FGD6: variants seen among roughly 807,000 people sequenced by gnomAD.
The protein encoded by FGD6 is FYVE, RhoGEF and PH domain-containing protein 6.
Under a neutral mutation model 149.4 loss-of-function variants are expected in FGD6, and 90 were observed. The ratio of observed to expected loss-of-function variants is 0.60; its 90% confidence interval spans 0.51 to 0.72. The LOEUF (loss-of-function observed/expected upper bound fraction) is 0.72, where lower values mean the gene tolerates loss of function less well. Among genes scored for constraint, FGD6 ranks in the 30% least tolerant of loss-of-function variants. The pLI is 0.00. For missense variants in FGD6, 1,437 were observed against 1,684.8 expected (o/e 0.85, Z 2.57); for synonymous variants, 527 against 584.0 (o/e 0.90, Z 1.41).
chr12:95,195,937 C>G (rs560842553), intron 2 of FGD6, among the ~76,000 whole-genome samples: 1 of 151,752 alleles, frequency 6.6e-6, no homozygotes, highest in East Asian at 2.0e-4. Context: ...TGTGGCCAAA[C>G]ATGGCCAAAC....
intron 3 of FGD6, among the ~76,000 whole-genome samples, chr12:95,158,809 CCCAGGAGTTTGAGA>C (rs1348630410): frequency 6.6e-6 from 1 of 151,682 alleles, no homozygotes; most frequent in Non-Finnish European, 1.5e-5. Flanking sequence ...ATTGCTTGAG[CCCAGGAGTTTGAGA>C]CCAGTCTGGG....
intron 2 of FGD6, among the ~76,000 whole-genome samples, chr12:95,195,045 AATTT>A (rs1415682568): frequency 6.6e-6 from 1 of 152,184 alleles, no homozygotes; most frequent in African/African-American, 2.4e-5. Context: ...AATCGGAGGT[AATTT>A]ATTTGTTTCC....
chr12:95,198,021 C>G (rs558290042), intron 2 of FGD6, among the ~76,000 whole-genome samples: 1 of 152,326 alleles, frequency 6.6e-6, no homozygotes, highest in Non-Finnish European at 1.5e-5. Flanking sequence ...ATTTCTATTC[C>G]TATCACTGCA....
chr12:95,148,878 TTA>T (rs1230194370), intron 5 of FGD6, among the ~76,000 whole-genome samples: 6 of 50,186 alleles, frequency 1.2e-4, no homozygotes, highest in South Asian at 7.0e-4. Flanking sequence ...ATAGCATATA[TTA>T]TATATATTAT....
intron 3 of FGD6, 80 bp downstream of exon 3, chr12:95,172,520 G>A (rs1380479797): frequency 4.8e-6 from 6 of 1,253,086 alleles, no homozygotes; most frequent in Non-Finnish European, 2.1e-6. Flanking sequence ...ACTCACAAGG[G>A]TTTCTGTGCC....
chr12:95,081,326 TAATA>T lies in FGD6; in HGVS notation c.*190_*193del. 1 of 418,174 alleles carries T rather than the reference TAATA, an allele frequency of 2.4e-6. No homozygotes were observed. Among genetic ancestry groups the T allele is most frequent in the Non-Finnish European group, 4.3e-6 (1 of 233,582 alleles). The allele number at this position is 418,174 out of a possible 1,614,324, so 25.9% of individuals were successfully genotyped here. A position where few individuals can be genotyped will look rare whatever the true frequency, so the allele number is the denominator to read the frequency against. On this transcript the variant is annotated 3_prime_UTR_variant, in exon 21 of 21. Transcript: ENST00000343958. ...GACCATTAAGTAAACATCAAAATTT[TAATA>T]AATAACATAAATGAAAAAACAAACA... is the stretch of plus-strand genomic sequence containing the variant.
Position 95,137,686 on chromosome 12 carries a change from T to C in FGD6, c.2838-8A>G. The C allele has an allele frequency of 1.3e-6, 2 of 1,556,538 alleles. No individual in the cohort carries two copies. The highest frequency in any genetic ancestry group is 1.7e-6 in the Non-Finnish European group (2 of 1,152,674). On this transcript the variant is annotated splice_region_variant and splice_polypyrimidine_tract_variant and intron_variant, in intron 6 of 20. Transcript: ENST00000343958. ...ATTCTTTGTTGTTCAGTCCTATGGA[T>C]AGAGAAGAGATACACAAAAAAATAT...
rs781475817 is a variant in FGD6, at chr12:95,212,811, A to T, written c.17-1544T>A. Among the ~76,000 whole-genome samples, 80 of 151,974 alleles carry T rather than the reference A, an allele frequency of 5.3e-4. 1 individual carries two copies. The highest frequency in any genetic ancestry group is 3.5e-3 in the Middle Eastern group (1 of 286). On this transcript the variant is annotated intron_variant, in intron 1 of 20. Transcript: ENST00000343958. ...CTATTACACGGAACTGAGTTTTTTTAAAAAAAAGAGGAGTAGGGTGCTCTA... is the reference window on the plus strand; with the variant it reads ...CTATTACACGGAACTGAGTTTTTTTTAAAAAAAGAGGAGTAGGGTGCTCTA...
At chr12:95,141,689 C>CT in intron 5 of FGD6, 150 bp from the exon 6 acceptor site, 1 of 785,080 alleles carries the variant, frequency 1.3e-6, no homozygotes, top group African/African-American at 1.7e-5. Context: ...CCCCTTCCTC[C>CT]TACCCCACTC....
intron 2 of FGD6, among the ~76,000 whole-genome samples, chr12:95,207,876 G>A (rs1343165527): frequency 6.6e-6 from 1 of 151,480 alleles, no homozygotes; most frequent in African/African-American, 2.4e-5. Flanking sequence ...CAAAGACTGA[G>A]GGGGTGGATT....
intron 2 of FGD6, among the ~76,000 whole-genome samples, chr12:95,178,155 A>G (rs755599607): frequency 6.6e-6 from 1 of 152,126 alleles, no homozygotes; most frequent in Non-Finnish European, 1.5e-5. Context: ...TTACTCAAGT[A>G]ATGTTCTTGA....
intron 5 of FGD6, among the ~76,000 whole-genome samples, chr12:95,147,462 T>C (rs1880050269): frequency 6.6e-6 from 1 of 152,092 alleles, no homozygotes; most frequent in African/African-American, 2.4e-5. Context: ...TCATAATAAC[T>C]CTAAGTGACC....
At chr12:95,092,197 T>C (rs1244721728) in intron 16 of FGD6, among the ~76,000 whole-genome samples, 1 of 152,188 alleles carries the variant, frequency 6.6e-6, no homozygotes. Flanking sequence ...CTACCAAGTT[T>C]TTGGGCTCCA....
chr12:95,085,234 T>G (rs986533194), intron 19 of FGD6, among the ~76,000 whole-genome samples: 6 of 144,160 alleles, frequency 4.2e-5, no homozygotes, highest in African/African-American at 1.5e-4. Flanking sequence ...TTTTTTTTTT[T>G]GAGACAGAGT....
At chr12:95,135,108 C>CT (rs1879630731) in intron 7 of FGD6, among the ~76,000 whole-genome samples, 1 of 152,168 alleles carries the variant, frequency 6.6e-6, no homozygotes, top group Non-Finnish European at 1.5e-5. Context: ...TAGCCACAGT[C>CT]TGTGTCCTAG....
intron 5 of FGD6, among the ~76,000 whole-genome samples, chr12:95,145,614 A>G (rs1280734883): frequency 6.6e-6 from 1 of 152,024 alleles, no homozygotes; most frequent in Non-Finnish European, 1.5e-5. Flanking sequence ...TGCCCGTAAT[A>G]TATTTGGAGT....
At chr12:95,154,767 C>T (rs1880419891) in intron 3 of FGD6, among the ~76,000 whole-genome samples, 1 of 152,060 alleles carries the variant, frequency 6.6e-6, no homozygotes, top group Admixed American at 6.6e-5. Flanking sequence ...ATGACCATGA[C>T]AGTCCAGCAG....
In FGD6 at chr12:95,209,936, T is replaced by C. The variant is rs549255699; in HGVS notation, c.1348A>G (p.Thr450Ala). The C allele has an allele frequency of 2.5e-6, 4 of 1,612,912 alleles. No homozygotes were observed. In the African/African-American group the frequency reaches 5.3e-5, roughly 22 times the overall value. The change falls in exon 2 of 21, where the codon ACT (threonine) becomes GCT (alanine). Residue 450 changes from threonine (T) to alanine (A), a missense_variant. Thr to Ala is a moderately conservative substitution (Grantham distance 58). Transcript: ENST00000343958. The part of the protein sequence containing the change: ...VDEGTGFIRC[T>A]VSMSLPKQLK... Reference sequence around the variant, plus strand: ...TGCTTAGGCAGGCTCATAGATACAGTACATCTTATAAAACCGGTCCCTTCG... The same window carrying C: ...TGCTTAGGCAGGCTCATAGATACAGCACATCTTATAAAACCGGTCCCTTCG...
At chr12:95,085,103 A>C (rs1788080491) in intron 19 of FGD6, among the ~76,000 whole-genome samples, 1 of 152,162 alleles carries the variant, frequency 6.6e-6, no homozygotes, top group Non-Finnish European at 1.5e-5. Flanking sequence ...ATTGTTTATA[A>C]TCCAAAAAAG....
Sources: allele counts gnomAD v4.1 joint callset (sites outside exome capture counted in the v4.1 genomes callset), GRCh38; gene constraint gnomAD v4.1.1; transcripts MANE v1.5; gene names NCBI Gene and HGNC (gene_info 2026-07-23, HGNC 2026-07-21).